SLC4A4: variants seen among roughly 807,000 people sequenced by gnomAD.
SLC4A4 encodes the protein electrogenic sodium bicarbonate cotransporter 1.
SLC4A4 carries 27 observed loss-of-function variants against 111.5 expected under a neutral mutation model. That is an observed-to-expected ratio of 0.24 (90% CI 0.18 to 0.33). The LOEUF (loss-of-function observed/expected upper bound fraction) is 0.33, where lower values mean the gene tolerates loss of function less well. Among genes scored for constraint, SLC4A4 ranks in the 10% least tolerant of loss-of-function variants. The probability of loss-of-function intolerance (pLI) is 1.00; values close to 1 mark genes in which losing one functional copy is unlikely to be tolerated. For missense variants in SLC4A4, 909 were observed against 1,315.5 expected (o/e 0.69, Z 4.78); for synonymous variants, 443 against 463.4 (o/e 0.96, Z 0.57).
chr4:71,310,552 G>T (rs1464844459), intron 3 of SLC4A4, among the ~76,000 whole-genome samples: 1 of 152,174 alleles, frequency 6.6e-6, no homozygotes, highest in Non-Finnish European at 1.5e-5. Flanking sequence ...TTAAAGAAAA[G>T]AATTTTCAAC....
At chr4:71,324,135 A>G (rs925063438) in intron 3 of SLC4A4, among the ~76,000 whole-genome samples, 1 of 151,952 alleles carries the variant, frequency 6.6e-6, no homozygotes, top group Non-Finnish European at 1.5e-5. Flanking sequence ...AGATGGCGCA[A>G]TTGGGTGATT....
chr4:71,444,878 C>G (rs372441939), intron 8 of SLC4A4, among the ~76,000 whole-genome samples: 45 of 152,044 alleles, frequency 3.0e-4, no homozygotes, highest in South Asian at 6.2e-4. Context: ...CTTATGAATG[C>G]TTGGATTCTC....
intron 8 of SLC4A4, among the ~76,000 whole-genome samples, chr4:71,442,601 ATGG>A (rs1487776831): frequency 1.3e-5 from 2 of 152,178 alleles, no homozygotes; most frequent in African/African-American, 4.8e-5. Flanking sequence ...TGTGGTAGGC[ATGG>A]TGAAGGACTG....
At chr4:71,255,549 G>T in intron 3 of SLC4A4, 150 bp downstream of exon 3, 1 of 919,736 alleles carries the variant, frequency 1.1e-6, no homozygotes, top group Non-Finnish European at 1.7e-6. Context: ...CTGTGGAGAT[G>T]CTTTGCTTGT....
Position 71,557,775 on chromosome 4 carries a change from C to T in SLC4A4, c.2827C>T (p.Arg943Cys). Residue 943 changes from arginine to cysteine, a missense_variant, in exon 22 of 26, where the codon CGT becomes TGT. Physicochemically the swap from Arg to Cys is radical, Grantham distance 180. Coordinates refer to ENST00000264485, the MANE Select transcript of SLC4A4 (RefSeq NM_001098484.3). ...LKHQPDFIYL[R>C]HVPLRRVHLF... ...GCATCAGCCTGACTTCATCTACCTG[C>T]GTCATGTTCCTCTGCGCAGAGTCCA... 3 of 1,612,746 alleles carry T rather than the reference C, an allele frequency of 1.9e-6. No homozygotes were observed. Among genetic ancestry groups the T allele is most frequent in the Admixed American group, 1.7e-5 (1 of 59,864 alleles).
chr4:71,139,105 T>C (rs1578515763), intron 2 of SLC4A4, among the ~76,000 whole-genome samples: 2 of 151,744 alleles, frequency 1.3e-5, no homozygotes, highest in South Asian at 2.1e-4. Flanking sequence ...CTTTCTCTAT[T>C]TAACCACAAG....
intron 6 of SLC4A4, among the ~76,000 whole-genome samples, chr4:71,390,887 G>T (rs1560466021): frequency 6.6e-6 from 1 of 151,992 alleles, no homozygotes. Context: ...AAGTTCATTT[G>T]TTTATTATCA....
intron 7 of SLC4A4, among the ~76,000 whole-genome samples, chr4:71,403,012 A>G (rs752884881): frequency 6.6e-6 from 1 of 152,230 alleles, no homozygotes; most frequent in Non-Finnish European, 1.5e-5. Context: ...TAAAGAAGGT[A>G]TGTATTTTAA....
chr4:71,325,347 G>A (rs1033670592), intron 3 of SLC4A4, among the ~76,000 whole-genome samples: 2 of 151,916 alleles, frequency 1.3e-5, no homozygotes, highest in African/African-American at 4.8e-5. Context: ...GGGTATATCA[G>A]GACTGTTGGT....
chr4:71,522,340 A>C (rs1325179091), intron 16 of SLC4A4, among the ~76,000 whole-genome samples: 2 of 152,218 alleles, frequency 1.3e-5, no homozygotes, highest in African/African-American at 4.8e-5. Flanking sequence ...ATGTTCTTCC[A>C]GAGTCCTACA....
intron 1 of SLC4A4, among the ~76,000 whole-genome samples, chr4:71,071,604 G>C (rs1741665359): frequency 6.6e-6 from 1 of 152,046 alleles, no homozygotes. Flanking sequence ...ATTGCTACTA[G>C]CGTCTTAAGT....
chr4:71,517,122 G>GAT (rs1732478644), intron 16 of SLC4A4, among the ~76,000 whole-genome samples: 1 of 151,944 alleles, frequency 6.6e-6, no homozygotes, highest in Non-Finnish European at 1.5e-5. Flanking sequence ...CCTATAGCTA[G>GAT]ATATTTATAT....
intron 4 of SLC4A4, among the ~76,000 whole-genome samples, chr4:71,341,772 A>G (rs994702734): frequency 1.3e-5 from 2 of 152,138 alleles, no homozygotes; most frequent in African/African-American, 2.4e-5. Context: ...TCATAAATTA[A>G]TTTATTTGAT....
rs549693365 is a variant in SLC4A4, at chr4:71,135,298, T to C, written c.-2+42506T>C. Among the ~76,000 whole-genome samples the C allele has an allele frequency of 3.2e-5, 4 of 125,534 alleles. No homozygotes were observed. In the South Asian group the frequency reaches 6.9e-4, roughly 22 times the overall value. 82.4% of individuals were successfully genotyped at this position (125,534 alleles called of 152,430 possible). ...TTGTGGTAAGAACACAATCTACTCT[T>C]TTTTTTTTTTTTTTTGAGACAGAGT... is the stretch of plus-strand genomic sequence containing the variant. On this transcript the variant is annotated intron_variant, in intron 2 of 26. Transcript: ENST00000649996.
chr4:71,116,728 G>C (rs1403076052), intron 2 of SLC4A4, among the ~76,000 whole-genome samples: 1 of 152,184 alleles, frequency 6.6e-6, no homozygotes, highest in African/African-American at 2.4e-5. Flanking sequence ...TGGATCACCT[G>C]AGGTTGCGAG....
At chr4:71,509,929 T>C (rs1443522505) in intron 16 of SLC4A4, among the ~76,000 whole-genome samples, 1 of 152,128 alleles carries the variant, frequency 6.6e-6, no homozygotes, top group Non-Finnish European at 1.5e-5. Context: ...AGAGAAGCAG[T>C]GGCTTCTGGG....
intron 2 of SLC4A4, among the ~76,000 whole-genome samples, chr4:71,143,754 G>A (rs1225238064): frequency 6.6e-6 from 1 of 152,220 alleles, no homozygotes; most frequent in African/African-American, 2.4e-5. Context: ...CTTTTGAGAA[G>A]TGTCTGTTCA....
At chr4:71,282,027 A>T (rs184986593) in intron 3 of SLC4A4, among the ~76,000 whole-genome samples, 13 of 150,994 alleles carry the variant, frequency 8.6e-5, no homozygotes, top group Non-Finnish European at 1.6e-4. Context: ...GTTTTTGTTC[A>T]TGCATACAAG....
At chr4:71,403,665 G>C (rs1047108578) in intron 7 of SLC4A4, among the ~76,000 whole-genome samples, 1 of 152,086 alleles carries the variant, frequency 6.6e-6, no homozygotes, top group African/African-American at 2.4e-5. Context: ...TAAGTGGCTG[G>C]AGCAAATGTA....
Sources: gnomAD v4.1 joint callset for allele counts (sites outside exome capture counted in the v4.1 genomes callset) on GRCh38, gnomAD v4.1.1 for gene constraint, MANE v1.5 for transcripts, NCBI Gene and HGNC (gene_info 2026-07-23, HGNC 2026-07-21) for gene names.